Variants in RDH14 observed in about 807,000 individuals in gnomAD.
RDH14 encodes the protein retinol dehydrogenase 14, also known as alcohol dehydrogenase PAN2.
A neutral mutation model predicts 19.3 loss-of-function variants in RDH14; 17 were observed. That is an observed-to-expected ratio of 0.88 (90% CI 0.60 to 1.32). The LOEUF (loss-of-function observed/expected upper bound fraction) is 1.32. RDH14 is among the 40% of genes most tolerant of loss of function. The probability of loss-of-function intolerance (pLI) is 0.00; values close to 1 mark genes in which losing one functional copy is unlikely to be tolerated. For synonymous variants in RDH14, 215 were observed against 188.9 expected (o/e 1.14, Z -1.13); for missense variants, 534 against 449.2 (o/e 1.19, Z -1.71).
chr2:18,558,947 A>G (rs1291171991), intron 1 of RDH14, among the ~76,000 whole-genome samples: 2 of 152,208 alleles, frequency 1.3e-5, no homozygotes, highest in African/African-American at 4.8e-5. Context: ...CCTAAAATGT[A>G]TAAAACCAAG....
rs902177627 is a variant in RDH14 at position 18,560,315 on chromosome 2, C to G, written c.258G>C (p.Gln86His). ...DRARAEEAAG[Q>H]LRRELRQAAE... is the part of the protein sequence containing the mutation. ...CGGCCTGGCGGAGCTCGCGGCGGAG[C>G]TGACCCGCCGCCTCCTCGGCGCGCG... Residue 86 changes from glutamine to histidine, a missense_variant, in exon 1 of 2, where the codon CAG becomes CAC. By Grantham distance (24) the Gln-to-His change is conservative (BLOSUM62 0). Transcript: ENST00000381249. 2 of 1,435,450 alleles carry G rather than the reference C, an allele frequency of 1.4e-6. No homozygotes were observed. The highest frequency in any genetic ancestry group is 1.8e-6 in the Non-Finnish European group (2 of 1,107,090). 88.9% of individuals were successfully genotyped at this position (1,435,450 alleles called of 1,614,324 possible).
chr2:18,560,126 C>T, intron 1 of RDH14, 54 bp downstream of exon 1: 1 of 1,501,042 alleles, frequency 6.7e-7, no homozygotes, highest in Admixed American at 2.1e-5. Flanking sequence ...CCGCAGTCCC[C>T]TCCCACACCG....
At chr2:18,557,279 C>CAAA (rs1663949133) in intron 1 of RDH14, among the ~76,000 whole-genome samples, 2 of 151,950 alleles carry the variant, frequency 1.3e-5, no homozygotes, top group African/African-American at 2.4e-5. Flanking sequence ...ATGAGGTCAA[C>CAAA]TTTCAAATTT....
At chr2:18,559,734 G>C (rs540027374) in intron 1 of RDH14, among the ~76,000 whole-genome samples, 1 of 152,080 alleles carries the variant, frequency 6.6e-6, no homozygotes, top group African/African-American at 2.4e-5. Context: ...CCGGGGGAAG[G>C]AGAACTTTTT....
At position 18,555,663 on chromosome 2, in the gene RDH14, T is replaced by C. The variant is rs1663893286; in HGVS notation, c.539A>G (p.Lys180Arg). 6 of 1,613,978 alleles carry C rather than the reference T, an allele frequency of 3.7e-6. No homozygotes were observed. The highest frequency in any genetic ancestry group is 5.1e-6 in the Non-Finnish European group (6 of 1,179,974). The change falls in exon 2 of 2, where the codon AAA becomes AGA. Residue 180 changes from lysine (K) to arginine (R), a missense_variant. Coordinates refer to ENST00000381249, the MANE Select transcript of RDH14 (RefSeq NM_020905.4). ...CACAATCCTGCTGGGAGCTGAACTT[T>C]TGAGGAGTCCAAGGAGAAGATTGGT... ...LLTNLLLGLL[K>R]SSAPSRIVVV... is the part of the protein sequence containing the mutation.
chr2:18,556,494 T>A (rs1192814825), intron 1 of RDH14, among the ~76,000 whole-genome samples: 1 of 152,016 alleles, frequency 6.6e-6, no homozygotes, highest in East Asian at 1.9e-4. Context: ...GAAAAAAAAA[T>A]AGATGCAGAA....
chr2:18,557,941 C>T (rs1436267370), intron 1 of RDH14, among the ~76,000 whole-genome samples: 2 of 152,320 alleles, frequency 1.3e-5, no homozygotes, highest in African/African-American at 2.4e-5. Context: ...CAACAGCTCC[C>T]GAACTGTGGC....
chr2:18,560,567 T>G lies in RDH14; in HGVS notation c.6A>C (p.Ala2=), dbSNP rs769770018. The G allele has an allele frequency of 1.2e-5, 18 of 1,478,798 alleles. No individual in the cohort carries two copies. The highest frequency in any genetic ancestry group is 1.6e-5 in the Non-Finnish European group (18 of 1,124,812). The allele number at this position is 1,478,798 out of a possible 1,614,324, so 91.6% of individuals were successfully genotyped here. A position where few individuals can be genotyped will look rare whatever the true frequency, so the allele number is the denominator to read the frequency against. Residue 2 remains alanine, a synonymous_variant, in exon 1 of 2, where the codon GCA becomes GCC. Transcript: ENST00000381249. The part of the protein sequence containing the change: M[A]VATAAAVLAA... ...CCAGTACTGCCGCCGCAGTGGCCAC[T>G]GCCATCGTCAGGCCCGAGGGCCCAC...
chr2:18,560,620 G>A lies in RDH14; in HGVS notation c.-48C>T, dbSNP rs186737270. 1.2e-3 allele frequency: 1,611 copies of A among 1,384,356 alleles called. 21 individuals carry two copies. The African/African-American group carries it at 0.02, about 17-fold the overall frequency. The allele number at this position is 1,384,356 out of a possible 1,614,324, so 85.8% of individuals were successfully genotyped here. The stretch of plus-strand genomic sequence containing the variant: ...GCCCCTCCACGGGAGTTCCGCAGCC[G>A]CCGCCTTACCGGAACCCAAGAGACC... On this transcript the variant is annotated 5_prime_UTR_variant, in exon 1 of 2. Coordinates refer to ENST00000381249, the MANE Select transcript of RDH14 (RefSeq NM_020905.4).
At position 18,555,211 on chromosome 2, in the gene RDH14, T is replaced by A; in HGVS notation, c.991A>T (p.Met331Leu). The A allele has an allele frequency of 1.2e-6, 2 of 1,613,834 alleles. No homozygotes were observed. The highest frequency in any genetic ancestry group is 1.7e-6 in the Non-Finnish European group (2 of 1,179,736). ...TGTTCCTATTTTAGCAGGCCAACCATCACTTCACTGATATCCCAGAGTTTT... is the reference window on the plus strand; with the variant it reads ...TGTTCCTATTTTAGCAGGCCAACCAACACTTCACTGATATCCCAGAGTTTT... ...ARKLWDISEV[M>L]VGLLK Residue 331 changes from methionine (M) to leucine (L), a missense_variant, in exon 2 of 2, where the codon ATG (methionine) becomes TTG (leucine). Physicochemically the swap from Met to Leu is conservative, Grantham distance 15 (BLOSUM62 2). Transcript: ENST00000381249.
In RDH14 at chr2:18,560,321, C is replaced by A. The variant is rs762335304; in HGVS notation, c.252G>T (p.Ala84=). 7.0e-7 allele frequency: 1 copy of A among 1,421,548 alleles called. No homozygotes were observed. Among genetic ancestry groups the A allele is most frequent in the South Asian group, 1.5e-5 (1 of 67,136 alleles). 88.1% of individuals were successfully genotyped at this position (1,421,548 alleles called of 1,614,324 possible). A position where few individuals can be genotyped will look rare whatever the true frequency, so the allele number is the denominator to read the frequency against. ...GGCGGAGCTCGCGGCGGAGCTGACC[C>A]GCCGCCTCCTCGGCGCGCGCGCGGT... ...CRDRARAEEA[A]GQLRRELRQA... The change falls in exon 1 of 2, where the codon GCG becomes GCT. Residue 84 remains alanine, a synonymous_variant. Transcript: ENST00000381249.
chr2:18,558,578 T>C (rs1393161926), intron 1 of RDH14, among the ~76,000 whole-genome samples: 1 of 152,212 alleles, frequency 6.6e-6, no homozygotes, highest in East Asian at 1.9e-4. Flanking sequence ...TCTGTTGAAT[T>C]TCACCCTGGC....
Position 18,555,520 on chromosome 2 carries a change from T to G in RDH14, c.682A>C (p.Thr228Pro). 2 of 1,614,166 alleles carry G rather than the reference T, an allele frequency of 1.2e-6. No individual in the cohort carries two copies. Among genetic ancestry groups the G allele is most frequent in the Non-Finnish European group, 8.5e-7 (1 of 1,179,998 alleles). ...SRSKLANILF[T>P]RELARRLEGT... ...TCTAAGCGGCGGGCTAGTTCCCTGG[T>G]AAAAAGAATGTTAGCCAGTTTGCTC... Residue 228 changes from threonine to proline, a missense_variant, in exon 2 of 2, where the codon ACC becomes CCC. Transcript: ENST00000381249.
intron 1 of RDH14, among the ~76,000 whole-genome samples, chr2:18,557,273 G>A (rs1216436035): frequency 6.6e-6 from 1 of 152,012 alleles, no homozygotes; most frequent in Non-Finnish European, 1.5e-5. Flanking sequence ...ATTAATATGA[G>A]GTCAACTTTC....
At chr2:18,559,796 G>A (rs1220651405) in intron 1 of RDH14, among the ~76,000 whole-genome samples, 1 of 152,092 alleles carries the variant, frequency 6.6e-6, no homozygotes, top group Non-Finnish European at 1.5e-5. Flanking sequence ...AGTGCTCAGG[G>A]GTTCTGAAGA....
In RDH14 at chr2:18,560,442, T is replaced by C. The variant is rs950713922; in HGVS notation, c.131A>G (p.Lys44Arg). ...GTTCGCCCCGGTGATCAGCACAGTC[T>C]TCCCGTGCATGAGGCCGGGGTCCCC... ...RGGDPGLMHGKTVLITGANSG... is the reference protein window; with the variant it reads ...RGGDPGLMHGRTVLITGANSG... Residue 44 changes from lysine to arginine, a missense_variant, in exon 1 of 2, where the codon AAG (lysine) becomes AGG (arginine). Transcript: ENST00000381249. The C allele has an allele frequency of 4.0e-6, 6 of 1,514,900 alleles. No homozygotes were observed. The Admixed American group carries it at 8.2e-5, about 21-fold the overall frequency. 93.8% of individuals were successfully genotyped at this position (1,514,900 alleles called of 1,614,324 possible).
chr2:18,560,088 G>C, intron 1 of RDH14, 92 bp downstream of exon 1: 1 of 1,373,296 alleles, frequency 7.3e-7, no homozygotes, highest in Non-Finnish European at 9.6e-7. Context: ...CTGAACCCCA[G>C]GGCGGTCCCT....
chr2:18,559,771 C>T (rs1231470667), intron 1 of RDH14, among the ~76,000 whole-genome samples: 1 of 152,108 alleles, frequency 6.6e-6, no homozygotes, highest in African/African-American at 2.4e-5. Flanking sequence ...AGGTCCTTAG[C>T]TAGCAACTTC....
Position 18,555,385 on chromosome 2 carries a change from A to G in RDH14, c.817T>C (p.Trp273Arg), listed in dbSNP as rs1047979356. Residue 273 changes from tryptophan (W) to arginine (R), a missense_variant, in exon 2 of 2, where the codon TGG (tryptophan) becomes CGG (arginine). By Grantham distance (101) the Trp-to-Arg change is moderately radical. Transcript: ENST00000381249. The stretch of plus-strand genomic sequence containing the variant: ...TCTACTGGAGTTTTGAAAAAAGCCC[A>G]TGACACCAAATTGAAGAGTGGTTTG... ...LVKPLFNLVS[W>R]AFFKTPVEGA... 5.0e-6 allele frequency: 8 copies of G among 1,614,010 alleles called. No individual in the cohort carries two copies. In the African/African-American group the frequency reaches 6.7e-5, roughly 13 times the overall value.
Sources: gnomAD v4.1 joint callset for allele counts (sites outside exome capture counted in the v4.1 genomes callset) on GRCh38, gnomAD v4.1.1 for gene constraint, MANE v1.5 for transcripts, NCBI Gene and HGNC (gene_info 2026-07-23, HGNC 2026-07-21) for gene names.